Variants in SLC22A24 observed in about 807,000 individuals in gnomAD.
SLC22A24 encodes steroid transmembrane transporter SLC22A24.
SLC22A24 carries 53 observed loss-of-function variants against 49.8 expected under a neutral mutation model. The observed-to-expected ratio is 1.06, with a 90% CI of 0.85 to 1.34. The LOEUF (loss-of-function observed/expected upper bound fraction) is 1.34, where lower values mean the gene tolerates loss of function less well. Ranked by LOEUF, SLC22A24 falls within the 40% of genes most tolerant of loss-of-function variation. The probability of loss-of-function intolerance (pLI) is 0.00; values close to 1 mark genes in which losing one functional copy is unlikely to be tolerated. For synonymous variants in SLC22A24, 302 were observed against 256.4 expected, an observed-to-expected ratio of 1.18 and a Z score of -1.70; for missense variants, 786 against 675.9, an observed-to-expected ratio of 1.16 and a Z score of -1.81.
intron 2 of SLC22A24, among the ~76,000 whole-genome samples, chr11:63,129,650 T>C (rs1375987327): frequency 1.3e-5 from 2 of 152,120 alleles, no homozygotes; most frequent in East Asian, 3.9e-4. Flanking sequence ...TCTTTTATTT[T>C]GTTGAGCAGT....
intron 5 of SLC22A24, among the ~76,000 whole-genome samples, chr11:63,102,667 G>A (rs915321439): frequency 4.4e-4 from 67 of 152,250 alleles, no homozygotes; most frequent in African/African-American, 1.5e-3. Context: ...CTGAATAAGA[G>A]TACCATTCAG....
In SLC22A24 at chr11:63,080,084, C is replaced by T. The variant is rs146357900; in HGVS notation, c.1599-84G>A. 2.1e-3 allele frequency: 1,831 copies of T among 883,850 alleles called. 30 individuals are homozygous for T. The African/African-American group carries it at 0.027, about 13-fold the overall frequency. The allele number at this position is 883,850 out of a possible 1,614,324, so 54.8% of individuals were successfully genotyped here. A position where few individuals can be genotyped will look rare whatever the true frequency, so the allele number is the denominator to read the frequency against. Reference sequence around the variant, plus strand: ...AGATTAAGCATATATATACTGTGTGCCTGAGGACAAGCTGCCCTCTACCCA... The same window carrying T: ...AGATTAAGCATATATATACTGTGTGTCTGAGGACAAGCTGCCCTCTACCCA... On this transcript the variant is annotated intron_variant, in intron 9 of 9. Coordinates refer to ENST00000612278, the MANE Select transcript of SLC22A24 (RefSeq NM_001136506.2).
chr11:63,127,420 A>G (rs1395328873), intron 2 of SLC22A24, among the ~76,000 whole-genome samples: 1 of 152,190 alleles, frequency 6.6e-6, no homozygotes, highest in Non-Finnish European at 1.5e-5. Flanking sequence ...GCTATTGTGA[A>G]TAGTGCCACA....
intron 7 of SLC22A24, among the ~76,000 whole-genome samples, chr11:63,082,978 A>G (rs117019556): frequency 1.3e-3 from 198 of 152,352 alleles, no homozygotes; most frequent in Non-Finnish European, 2.0e-3. Flanking sequence ...ATTAGGTGTA[A>G]TTGGAGCCCA....
rs56708217 is a variant in SLC22A24, at chr11:63,099,371, ATTTTTTTTTTTTTT to A, written c.955-3279_955-3266del. ...CCACCACACCTGGCTAATTTTTAAG[ATTTTTTTTTTTTTT>A]TTTTTTTTTTTTTTTGTAGAGATAG... On this transcript the variant is annotated intron_variant, in intron 5 of 9. Transcript: ENST00000612278. Among the ~76,000 whole-genome samples the A allele has an allele frequency of 5.5e-4, 29 of 52,338 alleles. 1 individual carries two copies. In the Admixed American group the frequency reaches 5.8e-3, roughly 10 times the overall value. 34.3% of individuals were successfully genotyped at this position (52,338 alleles called of 152,430 possible). A position where few individuals can be genotyped will look rare whatever the true frequency, so the allele number is the denominator to read the frequency against.
intron 4 of SLC22A24, among the ~76,000 whole-genome samples, chr11:63,111,436 C>G (rs1445126980): frequency 6.6e-6 from 1 of 151,254 alleles, no homozygotes; most frequent in Non-Finnish European, 1.5e-5. Flanking sequence ...ACCAGTTCCT[C>G]CTTGTACCTC....
intron 4 of SLC22A24, among the ~76,000 whole-genome samples, chr11:63,111,674 T>C (rs1301155062): frequency 1.3e-5 from 2 of 150,806 alleles, no homozygotes; most frequent in Non-Finnish European, 3.0e-5. Flanking sequence ...TAGTTTGTAT[T>C]TCTGTGGGAT....
At chr11:63,118,436 C>A (rs1367284979) in intron 4 of SLC22A24, 1 of 171,550 alleles carries the variant, frequency 5.8e-6, no homozygotes, top group African/African-American at 2.4e-5. Context: ...ATGGAGGAAC[C>A]AATTTTTGGA....
At chr11:63,086,233 A>G (rs2086986239) in intron 6 of SLC22A24, among the ~76,000 whole-genome samples, 1 of 152,232 alleles carries the variant, frequency 6.6e-6, no homozygotes, top group Non-Finnish European at 1.5e-5. Flanking sequence ...AGATGCATGT[A>G]TGTCTGTGTT....
intron 6 of SLC22A24, among the ~76,000 whole-genome samples, chr11:63,085,717 AC>A (rs1394745932): frequency 6.6e-6 from 1 of 152,222 alleles, no homozygotes; most frequent in African/African-American, 2.4e-5. Flanking sequence ...GTGCCTTCGC[AC>A]ATTTTATATT....
At chr11:63,132,589 C>T (rs2087344716) in intron 2 of SLC22A24, among the ~76,000 whole-genome samples, 1 of 152,238 alleles carries the variant, frequency 6.6e-6, no homozygotes, top group South Asian at 2.1e-4. Flanking sequence ...TCCCGACACT[C>T]TTTGCTTGGG....
At chr11:63,115,523 G>T (rs766075410) in intron 4 of SLC22A24, among the ~76,000 whole-genome samples, 1 of 152,176 alleles carries the variant, frequency 6.6e-6, no homozygotes, top group Non-Finnish European at 1.5e-5. Context: ...GCACTTCCCA[G>T]GTGAGGCAAC....
At chr11:63,092,244 A>C (rs569343113) in intron 6 of SLC22A24, among the ~76,000 whole-genome samples, 2 of 151,990 alleles carry the variant, frequency 1.3e-5, no homozygotes, top group Non-Finnish European at 2.9e-5. Context: ...TGCTCAAGGA[A>C]TAAGAGAGGA....
intron 6 of SLC22A24, 147 bp downstream of exon 6, chr11:63,095,844 G>A (rs943997042): frequency 9.8e-6 from 6 of 609,382 alleles, no homozygotes; most frequent in South Asian, 2.1e-5. Flanking sequence ...ATCTAAAAAT[G>A]TGGCACTTAG....
At chr11:63,142,243 T>A (rs987612041) in intron 1 of SLC22A24, among the ~76,000 whole-genome samples, 1 of 152,178 alleles carries the variant, frequency 6.6e-6, no homozygotes, top group African/African-American at 2.4e-5. Flanking sequence ...CCCATTCCCA[T>A]TATGTCCCCT....
intron 7 of SLC22A24, among the ~76,000 whole-genome samples, chr11:63,082,651 A>G (rs190503706): frequency 9.6e-4 from 146 of 152,358 alleles, no homozygotes; most frequent in African/African-American, 3.4e-3. Flanking sequence ...TATTAAGATG[A>G]GACTTTTTCT....
intron 6 of SLC22A24, among the ~76,000 whole-genome samples, chr11:63,084,174 C>T (rs1270399287): frequency 1.3e-5 from 2 of 152,162 alleles, no homozygotes; most frequent in African/African-American, 4.8e-5. Flanking sequence ...GCTGCAAGGG[C>T]ACTGTAGGCA....
In SLC22A24 at chr11:63,133,192, T is replaced by A. The variant is rs562200099; in HGVS notation, c.506+1473A>T. The stretch of plus-strand genomic sequence containing the variant: ...GAAAAGTGCAGTATTTGGTCAGGAG[T>A]GTACTGTTTCTCCAGGTGCAGTCTG... On this transcript the variant is annotated intron_variant, in intron 2 of 9. Coordinates refer to ENST00000612278, the MANE Select transcript of SLC22A24 (RefSeq NM_001136506.2). Among the ~76,000 whole-genome samples, 14 of 151,868 alleles carry A rather than the reference T, an allele frequency of 9.2e-5. No individual in the cohort carries two copies. The South Asian group carries it at 2.1e-3, about 23-fold the overall frequency.
chr11:63,128,383 C>T (rs1421229262), intron 2 of SLC22A24, among the ~76,000 whole-genome samples: 3 of 152,010 alleles, frequency 2.0e-5, no homozygotes, highest in East Asian at 1.9e-4. Flanking sequence ...GAAAAGCACC[C>T]GCTACTTAGC....
Sources: allele counts gnomAD v4.1 joint callset (sites outside exome capture counted in the v4.1 genomes callset), GRCh38; gene constraint gnomAD v4.1.1; transcripts MANE v1.5; gene names NCBI Gene and HGNC (gene_info 2026-07-23, HGNC 2026-07-21).